Variants in GJB7 observed in about 807,000 individuals in gnomAD.
GJB7 encodes the protein gap junction protein beta 7, also known as gap junction beta-7 protein.
For synonymous variants in GJB7, 87 were observed against 95.2 expected, an observed-to-expected ratio of 0.91 and a Z score of 0.50; for missense variants, 253 against 256.8, an observed-to-expected ratio of 0.99 and a Z score of 0.10.
intron 2 of GJB7, among the ~76,000 whole-genome samples, chr6:87,292,435 C>A (rs114518468): frequency 0.012 from 1,796 of 152,160 alleles, 33 homozygotes; most frequent in African/African-American, 0.04. Context: ...GCATAGTTTT[C>A]ATTTTCATAT....
At chr6:87,294,368 G>C (rs1310678499) in intron 2 of GJB7, among the ~76,000 whole-genome samples, 3 of 152,216 alleles carry the variant, frequency 2.0e-5, no homozygotes, top group African/African-American at 4.8e-5. Flanking sequence ...AAGGGTGGAG[G>C]CTGCAGGAAA....
chr6:87,312,315 C>T (rs995767021), intron 2 of GJB7, among the ~76,000 whole-genome samples: 14 of 151,316 alleles, frequency 9.3e-5, no homozygotes, highest in Non-Finnish European at 2.9e-5. Flanking sequence ...AGTTCAAGAC[C>T]AGCCTGGCCA....
intron 1 of GJB7, among the ~76,000 whole-genome samples, chr6:87,324,797 T>G (rs1328567072): frequency 6.6e-6 from 1 of 152,250 alleles, no homozygotes; most frequent in Admixed American, 6.5e-5. Context: ...CTTTTTCCAA[T>G]TCTATGAAGA....
At chr6:87,323,130 C>G (rs1036879595) in intron 1 of GJB7, 87 bp from the exon 2 acceptor site, 1 of 149,846 alleles carries the variant, frequency 6.7e-6, no homozygotes, top group African/African-American at 2.5e-5. Context: ...CCTTCGGCAC[C>G]GAACAGTAGT....
rs959724885 is a variant in GJB7, at chr6:87,283,594, T to G, written c.*647A>C. ...GCCTTTTCCCTAGGCGGGACCTTCC[T>G]GTTGAATGTTCCTCTGTGTGTCCCC... On this transcript the variant is annotated 3_prime_UTR_variant, in exon 3 of 3. Coordinates refer to ENST00000525899, the MANE Select transcript of GJB7 (RefSeq NM_198568.3). 1.3e-5 allele frequency: 2 copies of G among 152,452 alleles called. No individual in the cohort carries two copies. Among genetic ancestry groups the G allele is most frequent in the Non-Finnish European group, 2.9e-5 (2 of 68,224 alleles). 9.4% of individuals were successfully genotyped at this position (152,452 alleles called of 1,614,324 possible).
intron 2 of GJB7, among the ~76,000 whole-genome samples, chr6:87,295,303 G>A (rs1776234240): frequency 6.6e-6 from 1 of 152,178 alleles, no homozygotes; most frequent in Admixed American, 6.5e-5. Flanking sequence ...GCAATTCTCA[G>A]TTATACCAGT....
chr6:87,314,076 G>A (rs1418523576), intron 2 of GJB7, among the ~76,000 whole-genome samples: 1 of 152,190 alleles, frequency 6.6e-6, no homozygotes, highest in African/African-American at 2.4e-5. Context: ...ATTTCATAAG[G>A]TACTGCTTTT....
chr6:87,314,470 G>C (rs1776554434), intron 2 of GJB7, among the ~76,000 whole-genome samples: 1 of 152,210 alleles, frequency 6.6e-6, no homozygotes, highest in Non-Finnish European at 1.5e-5. Flanking sequence ...GAAGAAATAA[G>C]AGACCTGTGC....
At chr6:87,312,789 A>G (rs1776530626) in intron 2 of GJB7, among the ~76,000 whole-genome samples, 1 of 152,150 alleles carries the variant, frequency 6.6e-6, no homozygotes, top group Non-Finnish European at 1.5e-5. Flanking sequence ...TCCCTATTCA[A>G]ATTGTATTGA....
chr6:87,299,053 A>G (rs144522240), intron 2 of GJB7: 116 of 510,000 alleles, frequency 2.3e-4, no homozygotes, highest in Admixed American at 1.5e-3. Flanking sequence ...AACTTGTTCA[A>G]GATGTTGCTA....
At chr6:87,305,219 A>C (rs915265580) in intron 2 of GJB7, among the ~76,000 whole-genome samples, 3 of 152,172 alleles carry the variant, frequency 2.0e-5, no homozygotes, top group South Asian at 4.1e-4. Flanking sequence ...TCAATTAGGA[A>C]AAGAGGAAGT....
intron 2 of GJB7, among the ~76,000 whole-genome samples, chr6:87,307,529 GA>G (rs1301511157): frequency 6.6e-6 from 1 of 151,926 alleles, no homozygotes; most frequent in Non-Finnish European, 1.5e-5. Flanking sequence ...AAATTTACAA[GA>G]AAAAAACAAG....
At chr6:87,305,160 T>G (rs1462238476) in intron 2 of GJB7, among the ~76,000 whole-genome samples, 1 of 152,214 alleles carries the variant, frequency 6.6e-6, no homozygotes, top group South Asian at 2.1e-4. Flanking sequence ...AACATAGTGT[T>G]GGAAGTTCTC....
At chr6:87,321,108 A>C (rs1209393487) in intron 2 of GJB7, among the ~76,000 whole-genome samples, 1 of 151,836 alleles carries the variant, frequency 6.6e-6, no homozygotes, top group African/African-American at 2.4e-5. Context: ...AGTCCCAGCT[A>C]CTCGGGAGGA....
At chr6:87,295,943 C>G (rs1223405901) in intron 2 of GJB7, among the ~76,000 whole-genome samples, 1 of 152,224 alleles carries the variant, frequency 6.6e-6, no homozygotes, top group Non-Finnish European at 1.5e-5. Context: ...TCAGACCTTT[C>G]AGGGTTTGAC....
At chr6:87,294,528 C>T (rs1446218086) in intron 2 of GJB7, among the ~76,000 whole-genome samples, 2 of 152,242 alleles carry the variant, frequency 1.3e-5, no homozygotes, top group Non-Finnish European at 2.9e-5. Context: ...CATTGGGAAC[C>T]ATCACACATG....
chr6:87,298,408 C>T (rs1776275911), intron 2 of GJB7, among the ~76,000 whole-genome samples: 1 of 152,194 alleles, frequency 6.6e-6, no homozygotes, highest in South Asian at 2.1e-4. Context: ...ATTGGCATAT[C>T]TTGGTGCTAG....
At chr6:87,319,035 C>T (rs1288924520) in intron 2 of GJB7, among the ~76,000 whole-genome samples, 1 of 152,176 alleles carries the variant, frequency 6.6e-6, no homozygotes, top group African/African-American at 2.4e-5. Flanking sequence ...GTGTTGTTCC[C>T]AGAGCACACT....
At chr6:87,320,376 G>A (rs138109592) in intron 2 of GJB7, among the ~76,000 whole-genome samples, 40 of 152,232 alleles carry the variant, frequency 2.6e-4, no homozygotes, top group East Asian at 1.5e-3. Context: ...TTTTAAATTC[G>A]AAACATATTT....
Sources: allele counts gnomAD v4.1 joint callset (sites outside exome capture counted in the v4.1 genomes callset), GRCh38; gene constraint gnomAD v4.1.1; transcripts MANE v1.5; gene names NCBI Gene and HGNC (gene_info 2026-07-23, HGNC 2026-07-21).